The following ZNF536 variants were observed in gnomAD, a reference collection of about 807,000 sequenced individuals.
ZNF536 encodes zinc finger protein 536.
ZNF536 carries 13 observed loss-of-function variants against 84.5 expected under a neutral mutation model. The ratio of observed to expected loss-of-function variants is 0.15; its 90% CI spans 0.10 to 0.24. The LOEUF is 0.24. Among genes scored for constraint, ZNF536 ranks in the 10% least tolerant of loss-of-function variants. ZNF536 has a pLI of 1.00. For synonymous variants in ZNF536, 811 were observed against 742.5 expected, an observed-to-expected ratio of 1.09 and a Z score of -1.50; for missense variants, 1,536 against 1,747.5, an observed-to-expected ratio of 0.88 and a Z score of 2.16.
At chr19:30,628,700 T>C (rs2048780217) in intron 1 of ZNF536, among the ~76,000 whole-genome samples, 1 of 151,840 alleles carries the variant, frequency 6.6e-6, no homozygotes, top group Non-Finnish European at 1.5e-5. Flanking sequence ...TTATTTTTTA[T>C]TTATTTATTT....
Position 30,611,062 on chromosome 19 carries a change from T to G in ZNF536, c.169+61548T>G, listed in dbSNP as rs1398636212. On this transcript the variant is annotated intron_variant, in intron 1 of 1. Transcript: ENST00000592773. ...CCTGCCATTTTGTGTGTAGACAACTTGTGGAAAATAGGAAGGTCGTTGTTA... is the reference window on the plus strand; with the variant it reads ...CCTGCCATTTTGTGTGTAGACAACTGGTGGAAAATAGGAAGGTCGTTGTTA... 3.3e-5 allele frequency among the ~76,000 whole-genome samples: 5 copies of G among 152,110 alleles called. No homozygotes were observed. In the East Asian group the frequency reaches 9.6e-4, roughly 29 times the overall value.
Position 30,444,671 on chromosome 19 carries a change from C to G in ZNF536, c.1109C>G (p.Ser370Cys), listed in dbSNP as rs1568436076. ...GGTCACATGCGCAAGCACAAAGACT[C>G]CTTTGAGCACTGCTGCCAGATCTGC... ...LKGHMRKHKD[S>C]FEHCCQICGR... is the part of the protein sequence containing the mutation. The change falls in exon 2 of 5, where the codon TCC becomes TGC. Residue 370 changes from serine (S) to cysteine (C), a missense_variant. Ser to Cys is a moderately radical substitution (Grantham distance 112). Transcript: ENST00000355537. 6.2e-7 allele frequency: 1 copy of G among 1,613,986 alleles called. No individual in the cohort carries two copies. The highest frequency in any genetic ancestry group is 8.5e-7 in the Non-Finnish European group (1 of 1,180,052).
chr19:30,698,031 C>T (rs1026015835), intron 1 of ZNF536, among the ~76,000 whole-genome samples: 8 of 152,194 alleles, frequency 5.3e-5, no homozygotes, highest in Admixed American at 2.0e-4. Context: ...GTGCTTCACG[C>T]CTGTAATCCC....
At chr19:30,522,239 A>G (rs980688991) in intron 2 of ZNF536, among the ~76,000 whole-genome samples, 1 of 136,630 alleles carries the variant, frequency 7.3e-6, no homozygotes, top group Non-Finnish European at 1.7e-5. Context: ...CCTGTGCCTG[A>G]TTGGCAGAGC....
chr19:30,398,457 G>A (rs2049913162), intron 1 of ZNF536, among the ~76,000 whole-genome samples: 1 of 151,102 alleles, frequency 6.6e-6, no homozygotes, highest in African/African-American at 2.4e-5. Context: ...TGTTACATAG[G>A]TATACACACG....
intron 2 of ZNF536, among the ~76,000 whole-genome samples, chr19:30,301,999 A>G (rs2046200983): frequency 6.6e-6 from 1 of 152,188 alleles, no homozygotes; most frequent in African/African-American, 2.4e-5. Context: ...AAGGATTGAG[A>G]TACTTTCATA....
At chr19:30,537,316 A>T (rs1324079554) in intron 3 of ZNF536, among the ~76,000 whole-genome samples, 1 of 152,176 alleles carries the variant, frequency 6.6e-6, no homozygotes, top group African/African-American at 2.4e-5. Context: ...GTGGTTGGGC[A>T]GGGTGGGGAC....
chr19:30,553,153 T>C (rs1232503046), intron 4 of ZNF536, among the ~76,000 whole-genome samples: 1 of 152,204 alleles, frequency 6.6e-6, no homozygotes, highest in African/African-American at 2.4e-5. Flanking sequence ...TGACCTTGGT[T>C]TTGTAATGGG....
chr19:30,648,050 T>A (rs2049543361), intron 1 of ZNF536, among the ~76,000 whole-genome samples: 1 of 152,172 alleles, frequency 6.6e-6, no homozygotes, highest in Admixed American at 6.5e-5. Flanking sequence ...ATGCATCGGT[T>A]CTCCTATGGC....
intron 1 of ZNF536, among the ~76,000 whole-genome samples, chr19:30,259,214 C>T (rs554279611): frequency 1.3e-5 from 2 of 152,190 alleles, no homozygotes; most frequent in South Asian, 2.1e-4. Context: ...GCTTTTTCTG[C>T]GTCATTTATA....
chr19:30,539,166 C>T (rs1333859173), intron 3 of ZNF536, among the ~76,000 whole-genome samples: 1 of 152,080 alleles, frequency 6.6e-6, no homozygotes, highest in Non-Finnish European at 1.5e-5. Context: ...AAGAAATTGG[C>T]TCAAGTGATT....
intron 3 of ZNF536, among the ~76,000 whole-genome samples, chr19:30,363,582 G>C (rs10404762): frequency 6.6e-6 from 1 of 151,972 alleles, no homozygotes; most frequent in Non-Finnish European, 1.5e-5. Context: ...AAACCACATC[G>C]CAAAGTAGAA....
upstream of ZNF536, among the ~76,000 whole-genome samples, chr19:30,367,539 G>A (rs1374495186): frequency 1.3e-5 from 2 of 152,178 alleles, no homozygotes; most frequent in African/African-American, 4.8e-5. Flanking sequence ...AAAGCCCAGG[G>A]CATGTGGATG....
chr19:30,474,926 C>A lies in ZNF536; in HGVS notation c.2170+29194C>A, dbSNP rs756037283. ...CTGCTGTGCATTCTCCCCCCACATCCCCCCTTTCCTCTCTCCTACCTGTCC... is the reference window on the plus strand; with the variant it reads ...CTGCTGTGCATTCTCCCCCCACATCACCCCTTTCCTCTCTCCTACCTGTCC... On this transcript the variant is annotated intron_variant, in intron 2 of 4. Transcript: ENST00000355537. Among the ~76,000 whole-genome samples the A allele has an allele frequency of 1.8e-3, 270 of 148,840 alleles. 5 individuals carry two copies. Among genetic ancestry groups the A allele is most frequent in the Non-Finnish European group, 1.6e-3 (108 of 67,330 alleles).
chr19:30,489,990 C>T (rs2054445911), intron 2 of ZNF536, among the ~76,000 whole-genome samples: 1 of 152,208 alleles, frequency 6.6e-6, no homozygotes, highest in South Asian at 2.1e-4. Flanking sequence ...TTGTCTGAGT[C>T]CTACCAGGGC....
At chr19:30,406,237 AG>A (rs1568398340) in intron 1 of ZNF536, among the ~76,000 whole-genome samples, 1 of 152,110 alleles carries the variant, frequency 6.6e-6, no homozygotes, top group African/African-American at 2.4e-5. Flanking sequence ...CACCAAGAAA[AG>A]GGAACAACTA....
chr19:30,240,685 C>A (rs567678737), intron 1 of ZNF536, among the ~76,000 whole-genome samples: 239 of 152,308 alleles, frequency 1.6e-3, no homozygotes, highest in Non-Finnish European at 2.9e-3. Flanking sequence ...GAGAGGGAAG[C>A]ATTGCTAGCA....
chr19:30,635,951 G>A (rs980686276), intron 1 of ZNF536, among the ~76,000 whole-genome samples: 8 of 152,244 alleles, frequency 5.3e-5, no homozygotes, highest in African/African-American at 1.9e-4. Flanking sequence ...CCAGCTGATG[G>A]GTGCCCCCAG....
chr19:30,356,312 C>G (rs1413187608), intron 3 of ZNF536, among the ~76,000 whole-genome samples: 5 of 152,196 alleles, frequency 3.3e-5, no homozygotes, highest in Non-Finnish European at 7.3e-5. Flanking sequence ...CAAACTGTGT[C>G]CCAGGCACTT....
Sources: gnomAD v4.1 joint callset for allele counts (sites outside exome capture counted in the v4.1 genomes callset) on GRCh38, gnomAD v4.1.1 for gene constraint, MANE v1.5 for transcripts, NCBI Gene and HGNC (gene_info 2026-07-23, HGNC 2026-07-21) for gene names.